The following ADCK2 variants were observed in gnomAD, a reference collection of about 807,000 sequenced individuals.
ADCK2 encodes the protein aarF domain containing kinase 2, also known as uncharacterized aarF domain-containing protein kinase 2.
A neutral mutation model predicts 52.3 loss-of-function variants in ADCK2; 37 were observed. The observed-to-expected ratio is 0.71, with a 90% CI of 0.54 to 0.93. ADCK2 has a LOEUF of 0.93. Among genes scored for constraint, ADCK2 ranks in the 40% least tolerant of loss-of-function variants. ADCK2 has a pLI of 0.00. For missense variants in ADCK2, 695 were observed against 798.7 expected (o/e 0.87, Z 1.56); for synonymous variants, 321 against 349.2 (o/e 0.92, Z 0.90).
At position 140,693,620 on chromosome 7, in the gene ADCK2, T is replaced by TG. The variant is rs1794745281; in HGVS notation, c.1741-1042dup. On this transcript the variant is annotated intron_variant, in intron 7 of 7. Coordinates refer to ENST00000072869, the MANE Select transcript of ADCK2 (RefSeq NM_052853.4). This position sits in a 1 kb window ranked among gnomAD's most constrained non-coding sequence, Gnocchi z 4.0. ...AACGATGATACTTTTGAAGAATAGT[T>TG]GAAGAATCCATGTCAATTGCTATTA... 6.6e-6 allele frequency among the ~76,000 whole-genome samples: 1 copy of TG among 152,338 alleles called. No individual in the cohort carries two copies.
chr7:140,694,082 C>T (rs1563212199), intron 7 of ADCK2, among the ~76,000 whole-genome samples: 1 of 152,130 alleles, frequency 6.6e-6, no homozygotes, highest in Non-Finnish European at 1.5e-5. Flanking sequence ...GCACTTGGGG[C>T]AGCCAAGGTG....
chr7:140,678,924 C>T lies in ADCK2; in HGVS notation c.1081-231C>T, dbSNP rs1482780255. Among the ~76,000 whole-genome samples the T allele has an allele frequency of 6.6e-6, 1 of 152,170 alleles. No homozygotes were observed. Among genetic ancestry groups the T allele is most frequent in the South Asian group, 2.1e-4 (1 of 4,826 alleles). ...CAGAGAAGCAGTGCAGCCCAAAGCC[C>T]ACCAGGGCACCTGCCGTCTGCAGCC... On this transcript the variant is annotated intron_variant, in intron 2 of 7. Coordinates refer to ENST00000072869, the MANE Select transcript of ADCK2 (RefSeq NM_052853.4). This position sits in a 1 kb window ranked among gnomAD's most constrained non-coding sequence, Gnocchi z 4.9.
chr7:140,683,326 T>A (rs1368817950), intron 4 of ADCK2, among the ~76,000 whole-genome samples: 1 of 151,838 alleles, frequency 6.6e-6, no homozygotes, highest in Non-Finnish European at 1.5e-5. Flanking sequence ...CATAGGAGGT[T>A]TTTATGCTGA....
intron 7 of ADCK2, among the ~76,000 whole-genome samples, chr7:140,694,394 A>AT (rs1794760394): frequency 6.6e-6 from 1 of 152,188 alleles, no homozygotes; most frequent in South Asian, 2.1e-4. Context: ...TTATTTGGTC[A>AT]TTCATTCATA....
chr7:140,673,419 C>T lies in ADCK2; in HGVS notation c.89C>T (p.Pro30Leu), dbSNP rs1037241483. The T allele has an allele frequency of 1.9e-6, 3 of 1,599,864 alleles. No individual in the cohort carries two copies. Among genetic ancestry groups the T allele is most frequent in the Non-Finnish European group, 2.6e-6 (3 of 1,173,320 alleles). The stretch of plus-strand genomic sequence containing the variant: ...AGACAGGGACTCAGCCTCCTGAGGC[C>T]CTCCGAGTGCCCTCGCGATGCCAGG... ...ELRQGLSLLRPSECPRDARLC... is the reference protein window; with the variant it reads ...ELRQGLSLLRLSECPRDARLC... Residue 30 changes from proline to leucine, a missense_variant, in exon 1 of 8, where the codon CCC becomes CTC. By Grantham distance (98) the Pro-to-Leu change is moderately conservative. Transcript: ENST00000072869. This position sits in a 1 kb window ranked among gnomAD's most constrained non-coding sequence, Gnocchi z 6.4.
Position 140,694,656 on chromosome 7 carries a change from G to A in ADCK2, c.1741-7G>A, listed in dbSNP as rs1435924266. On this transcript the variant is annotated splice_polypyrimidine_tract_variant and splice_region_variant and intron_variant, in intron 7 of 7. Coordinates refer to ENST00000072869, the MANE Select transcript of ADCK2 (RefSeq NM_052853.4). ...CTGAGATGAACTGTTCTGTTTTTCT[G>A]TTCCAGGTAAAGCTTGAGAGCAACT... The A allele has an allele frequency of 3.7e-6, 6 of 1,613,176 alleles. No individual in the cohort carries two copies. The highest frequency in any genetic ancestry group is 5.1e-6 in the Non-Finnish European group (6 of 1,179,456).
At position 140,673,992 on chromosome 7, in the gene ADCK2, C is replaced by T. The variant is rs1362169511; in HGVS notation, c.662C>T (p.Thr221Ile). The change falls in exon 1 of 8, where the codon ACT (threonine) becomes ATT (isoleucine). Residue 221 changes from threonine to isoleucine, a missense_variant. Thr to Ile is a moderately conservative substitution (Grantham distance 89, BLOSUM62 -1). Coordinates refer to ENST00000072869, the MANE Select transcript of ADCK2 (RefSeq NM_052853.4). This position sits in a 1 kb window ranked among gnomAD's most constrained non-coding sequence, Gnocchi z 6.4. ...CAGGTGTACAAAGCATACGCCAACACTGCCTTCCTGGAGACTGACAGCGTC... is the reference window on the plus strand; with the variant it reads ...CAGGTGTACAAAGCATACGCCAACATTGCCTTCCTGGAGACTGACAGCGTC... ...VAQVYKAYAN[T>I]AFLETDSVQR... 3.1e-6 allele frequency: 5 copies of T among 1,614,136 alleles called. No individual in the cohort carries two copies. The East Asian group carries it at 8.9e-5, about 29-fold the overall frequency.
Position 140,673,875 on chromosome 7 carries a change from CTG to C in ADCK2, c.546_547del (p.Glu183AlafsTer10). ...GTGACGCCCCACCCGTGGACTCACA[CTG>C]AGCGCTTCCTTCGGCAGGCTTTTGG... On this transcript the variant is annotated frameshift_variant, in exon 1 of 8. Coordinates refer to ENST00000072869, the MANE Select transcript of ADCK2 (RefSeq NM_052853.4). LOFTEE classifies it high-confidence loss of function. The surrounding 1 kb of genome is among the most constrained non-coding windows in gnomAD (Gnocchi z 6.4). 1.9e-6 allele frequency: 3 copies of C among 1,614,094 alleles called. No homozygotes were observed. The highest frequency in any genetic ancestry group is 2.5e-6 in the Non-Finnish European group (3 of 1,180,048).
Position 140,673,866 on chromosome 7 carries a change from G to C in ADCK2, c.536G>C (p.Trp179Ser). The stretch of plus-strand genomic sequence containing the variant: ...CATGTCCGAGTGACGCCCCACCCGT[G>C]GACTCACACTGAGCGCTTCCTTCGG... ...KLHVRVTPHPWTHTERFLRQA... is the reference protein window; with the variant it reads ...KLHVRVTPHPSTHTERFLRQA... Residue 179 changes from tryptophan (W) to serine (S), a missense_variant, in exon 1 of 8, where the codon TGG becomes TCG. Physicochemically the swap from Trp to Ser is radical, Grantham distance 177 (BLOSUM62 -3). Transcript: ENST00000072869. The surrounding 1 kb of genome is among the most constrained non-coding windows in gnomAD (Gnocchi z 6.4). 6.2e-7 allele frequency: 1 copy of C among 1,614,036 alleles called. No homozygotes were observed. Among genetic ancestry groups the C allele is most frequent in the South Asian group, 1.1e-5 (1 of 91,090 alleles).
chr7:140,682,272 A>G (rs1794529388), intron 4 of ADCK2, among the ~76,000 whole-genome samples: 1 of 152,224 alleles, frequency 6.6e-6, no homozygotes, highest in Admixed American at 6.5e-5. Context: ...GGATTCACTC[A>G]GGAAGTGGCT....
chr7:140,691,643 C>T (rs781073220), intron 7 of ADCK2, among the ~76,000 whole-genome samples: 1 of 152,200 alleles, frequency 6.6e-6, no homozygotes, highest in Admixed American at 6.6e-5. Flanking sequence ...GCCTAGTCTC[C>T]GGCACTCTTT....
rs752788556 is a variant in ADCK2 at position 140,689,585 on chromosome 7, T to C, written c.1558-12T>C. ...GCTCCACTCCAAGTCCCTTTTCCGT[T>C]GCATTTTCCAGGGCCAGAGAGTGGC... On this transcript the variant is annotated splice_polypyrimidine_tract_variant and intron_variant, in intron 5 of 7. Transcript: ENST00000072869. 1.9e-6 allele frequency: 3 copies of C among 1,586,126 alleles called. No individual in the cohort carries two copies. Among genetic ancestry groups the C allele is most frequent in the Non-Finnish European group, 2.6e-6 (3 of 1,162,830 alleles).
chr7:140,690,363 C>T (rs1040908120), intron 6 of ADCK2, among the ~76,000 whole-genome samples: 24 of 152,036 alleles, frequency 1.6e-4, no homozygotes, highest in African/African-American at 4.6e-4. Context: ...CCACCACACC[C>T]GGCTAATTTT....
In ADCK2 at chr7:140,674,264, G is replaced by C. The variant is rs140400082; in HGVS notation, c.933+1G>C. The C allele has an allele frequency of 4.2e-3, 6,723 of 1,608,648 alleles. 16 individuals are homozygous for C. Among genetic ancestry groups the C allele is most frequent in the Admixed American group, 5.2e-3 (309 of 59,478 alleles). On this transcript the variant is annotated splice_donor_variant, in intron 1 of 7. Transcript: ENST00000072869. LOFTEE classifies it high-confidence loss of function. The surrounding 1 kb of genome is among the most constrained non-coding windows in gnomAD (Gnocchi z 4.6). ...CAACCTCATCTCCGTGGCAGTGAAA[G>C]TAAGTGTTGTGAGAGCTCACAGCTC...
In ADCK2 at chr7:140,674,205, G is replaced by C. The variant is rs375652254; in HGVS notation, c.875G>C (p.Arg292Pro). The change falls in exon 1 of 8, where the codon CGG becomes CCG. Residue 292 changes from arginine to proline, a missense_variant. Transcript: ENST00000072869. This position sits in a 1 kb window ranked among gnomAD's most constrained non-coding sequence, Gnocchi z 4.6. ...DLVGSNAGVS[R>P]AQVPGHQPEA... The stretch of plus-strand genomic sequence containing the variant: ...GTTGGATCAAATGCAGGGGTGTCTC[G>C]GGCTCAGGTCCCTGGCCACCAACCT... 1 of 1,613,920 alleles carries C rather than the reference G, an allele frequency of 6.2e-7. No homozygotes were observed. Among genetic ancestry groups the C allele is most frequent in the Non-Finnish European group, 8.5e-7 (1 of 1,179,998 alleles).
chr7:140,679,219 C>T lies in ADCK2; in HGVS notation c.1145C>T (p.Ala382Val). Reference sequence around the variant, plus strand: ...CAGGTCAACTTCCGGAATGTGAAAGCCGTCAAGTTCCCCACCCCTCTGCGC... The same window carrying T: ...CAGGTCAACTTCCGGAATGTGAAAGTCGTCAAGTTCCCCACCCCTCTGCGC... Reference protein sequence around the residue: ...HFQVNFRNVKAVKFPTPLRPF... With the variant: ...HFQVNFRNVKVVKFPTPLRPF... The change falls in exon 3 of 8, where the codon GCC becomes GTC. Residue 382 changes from alanine to valine, a missense_variant. Transcript: ENST00000072869. The T allele has an allele frequency of 6.2e-7, 1 of 1,614,082 alleles. No homozygotes were observed. Among genetic ancestry groups the T allele is most frequent in the Non-Finnish European group, 8.5e-7 (1 of 1,179,968 alleles).
Position 140,690,755 on chromosome 7 carries a change from TC to T in ADCK2, c.1687-3del. 6.2e-7 allele frequency: 1 copy of T among 1,613,570 alleles called. No individual in the cohort carries two copies. Among genetic ancestry groups the T allele is most frequent in the Non-Finnish European group, 8.5e-7 (1 of 1,179,832 alleles). On this transcript the variant is annotated splice_polypyrimidine_tract_variant and splice_region_variant and intron_variant, in intron 6 of 7. Transcript: ENST00000072869. Reference sequence around the variant, plus strand: ...TCTGCATTAGCCTTTATTTTGTTTTTCCAGCTTCATGTGTCCAGCCTTCTCT... The same window carrying T: ...TCTGCATTAGCCTTTATTTTGTTTTTCAGCTTCATGTGTCCAGCCTTCTCT...
Position 140,679,223 on chromosome 7 carries a change from C to T in ADCK2, c.1149C>T (p.Val383=), listed in dbSNP as rs760787988. ...TCAACTTCCGGAATGTGAAAGCCGTCAAGTTCCCCACCCCTCTGCGCCCCT... is the reference window on the plus strand; with the variant it reads ...TCAACTTCCGGAATGTGAAAGCCGTTAAGTTCCCCACCCCTCTGCGCCCCT... ...FQVNFRNVKA[V]KFPTPLRPFV... is the part of the protein sequence containing the mutation. The change falls in exon 3 of 8, where the codon GTC becomes GTT. Residue 383 remains valine (V), a synonymous_variant. Coordinates refer to ENST00000072869, the MANE Select transcript of ADCK2 (RefSeq NM_052853.4). 1 of 1,614,132 alleles carries T rather than the reference C, an allele frequency of 6.2e-7. No individual in the cohort carries two copies. Among genetic ancestry groups the T allele is most frequent in the Middle Eastern group, 1.6e-4 (1 of 6,062 alleles).
At chr7:140,683,489 C>G (rs1794552678) in intron 4 of ADCK2, among the ~76,000 whole-genome samples, 1 of 152,142 alleles carries the variant, frequency 6.6e-6, no homozygotes. Context: ...TGGGTCCTCC[C>G]TACCATGATT....
Sources: gnomAD v4.1 joint callset for allele counts (sites outside exome capture counted in the v4.1 genomes callset) on GRCh38, gnomAD v4.1.1 for gene constraint, Gnocchi (gnomAD v3.1) non-coding constraint, MANE v1.5 for transcripts, NCBI Gene and HGNC (gene_info 2026-07-23, HGNC 2026-07-21) for gene names.